Variants in TET3 observed in about 807,000 individuals in gnomAD.
The protein encoded by TET3 is methylcytosine dioxygenase TET3.
Under a neutral mutation model 141.4 loss-of-function variants are expected in TET3, and 19 were observed. The ratio of observed to expected loss-of-function variants is 0.13; its 90% confidence interval spans 0.09 to 0.20. The LOEUF (loss-of-function observed/expected upper bound fraction) is 0.20. Among genes scored for constraint, TET3 ranks in the 10% least tolerant of loss-of-function variants. The pLI is 1.00. For synonymous variants in TET3, 1,043 were observed against 980.9 expected (o/e 1.06, Z -1.18); for missense variants, 1,874 against 2,356.9 (o/e 0.80, Z 4.24).
intron 4 of TET3, among the ~76,000 whole-genome samples, chr2:74,064,250 A>G (rs890762006): frequency 2.0e-5 from 3 of 152,166 alleles, no homozygotes; most frequent in African/African-American, 7.2e-5. Flanking sequence ...AGCTTTTCAT[A>G]TTGTTATCTC....
chr2:74,003,349 T>A (rs1684966529), intron 3 of TET3, among the ~76,000 whole-genome samples, 183 bp downstream of exon 3: 1 of 149,818 alleles, frequency 6.7e-6, no homozygotes, highest in South Asian at 2.1e-4. Context: ...CAGGCCTGTG[T>A]GGGTTTTGTT....
At chr2:74,134,940 A>T in the TET3 span, 1 of 337,318 alleles carries the variant, frequency 3.0e-6, no homozygotes, top group Non-Finnish European at 6.0e-6. Flanking sequence ...GGGCAGGTCC[A>T]TCTGATTGGC....
At position 74,102,125 on chromosome 2, in the gene TET3, G is replaced by C; in HGVS notation, c.5337G>C (p.Val1779=). 1.3e-6 allele frequency: 2 copies of C among 1,487,408 alleles called. No individual in the cohort carries two copies. Among genetic ancestry groups the C allele is most frequent in the Non-Finnish European group, 1.8e-6 (2 of 1,119,168 alleles). The allele number at this position is 1,487,408 out of a possible 1,614,324, so 92.1% of individuals were successfully genotyped here. Reference sequence around the variant, plus strand: ...TGCCCACAGACTCGGCGGTCACCGTGTCCTCCTATGCCTACACGAAGGTCA... The same window carrying C: ...TGCCCACAGACTCGGCGGTCACCGTCTCCTCCTATGCCTACACGAAGGTCA... ...LAVPTDSAVT[V]SSYAYTKVTG... Residue 1779 remains valine (V), a synonymous_variant, in exon 12 of 12, where the codon GTG becomes GTC. Coordinates refer to ENST00000409262, the MANE Select transcript of TET3 (RefSeq NM_001287491.2).
chr2:73,990,214 T>A (rs1289790697), intron 2 of TET3, among the ~76,000 whole-genome samples: 6 of 144,546 alleles, frequency 4.2e-5, no homozygotes, highest in Admixed American at 6.9e-5. Context: ...ACCCCATTGC[T>A]AAAAAAAAAA....
chr2:74,134,568 G>A, the TET3 span: 1 of 395,050 alleles, frequency 2.5e-6, no homozygotes, highest in Admixed American at 2.8e-5. Flanking sequence ...TTCCATGAAA[G>A]GCAAAGGAGT....
rs1366806351 is a variant in TET3 at position 74,099,268 on chromosome 2, T to TG, written c.3268-4dup. 3 of 1,574,576 alleles carry TG rather than the reference T, an allele frequency of 1.9e-6. No individual in the cohort carries two copies. The African/African-American group carries it at 4.1e-5, about 21-fold the overall frequency. On this transcript the variant is annotated splice_region_variant and splice_polypyrimidine_tract_variant and intron_variant, in intron 10 of 11. Transcript: ENST00000409262. ...CCCATGTCCTCTCTCCCCCACTGCT[T>TG]GGGGCAGGTCTGCACCCTGACCAAG...
chr2:73,984,930 T>TTGCTGC lies in TET3; in HGVS notation c.-642_-637dup, dbSNP rs981906309. Among the ~76,000 whole-genome samples, 5 of 145,522 alleles carry TTGCTGC rather than the reference T, an allele frequency of 3.4e-5. No individual in the cohort carries two copies. The highest frequency in any genetic ancestry group is 6.1e-5 in the Non-Finnish European group (4 of 65,480). ...GCGGGGAGTCCCGCGGACGCCTTCA[T>TTGCTGC]TGCTGCTGCTGCTGCCGCCGCGGCC... On this transcript the variant is annotated 5_prime_UTR_variant, in exon 1 of 12. Coordinates refer to ENST00000409262, the MANE Select transcript of TET3 (RefSeq NM_001287491.2). This position sits in a 1 kb window ranked among gnomAD's most constrained non-coding sequence, Gnocchi z 5.6.
rs778156069 is a variant in TET3, at chr2:74,101,102, C to T, written c.4314C>T (p.Tyr1438=). 2.5e-6 allele frequency: 4 copies of T among 1,613,240 alleles called. No individual in the cohort carries two copies. Among genetic ancestry groups the T allele is most frequent in the Non-Finnish European group, 3.4e-6 (4 of 1,179,546 alleles). Residue 1438 remains tyrosine, a synonymous_variant, in exon 12 of 12, where the codon TAC becomes TAT. Coordinates refer to ENST00000409262, the MANE Select transcript of TET3 (RefSeq NM_001287491.2). The surrounding 1 kb of genome is among the most constrained non-coding windows in gnomAD (Gnocchi z 8.5). ...GACCCAGTCACCTTTGGGGACAGTACTCAGGAGGCCCAAGCATGTCCCCCA... is the reference window on the plus strand; with the variant it reads ...GACCCAGTCACCTTTGGGGACAGTATTCAGGAGGCCCAAGCATGTCCCCCA... ...NGGPSHLWGQ[Y]SGGPSMSPKR...
Position 74,011,353 on chromosome 2 carries a change from A to G in TET3, c.360+8187A>G, listed in dbSNP as rs140428843. ...GTGTAATCAGCACCTGGATCAAGAAATAAGTACCTTCACCCCGTTCCCATT... is the reference window on the plus strand; with the variant it reads ...GTGTAATCAGCACCTGGATCAAGAAGTAAGTACCTTCACCCCGTTCCCATT... On this transcript the variant is annotated intron_variant, in intron 3 of 11. Transcript: ENST00000409262. 2.9e-3 allele frequency among the ~76,000 whole-genome samples: 441 copies of G among 152,384 alleles called. 1 individual carries two copies. Among genetic ancestry groups the G allele is most frequent in the African/African-American group, 0.01 (426 of 41,596 alleles).
At chr2:74,113,310 C>T in the TET3 span, among the ~76,000 whole-genome samples, 8 of 152,150 alleles carry the variant, frequency 5.3e-5, no homozygotes, top group South Asian at 2.1e-4. Context: ...CACTTGAACC[C>T]GGGACGTGGA....
intron 3 of TET3, among the ~76,000 whole-genome samples, chr2:74,007,335 A>C (rs907006385): frequency 6.6e-6 from 1 of 152,236 alleles, no homozygotes; most frequent in Admixed American, 6.5e-5. Flanking sequence ...TTGACTCAAC[A>C]TGCCAAGTTT....
intron 2 of TET3, among the ~76,000 whole-genome samples, chr2:73,995,403 A>T (rs1684543260): frequency 6.6e-6 from 1 of 152,140 alleles, no homozygotes; most frequent in African/African-American, 2.4e-5. Context: ...TGTTTTGAAA[A>T]TTTCAGCCAA....
intron 2 of TET3, among the ~76,000 whole-genome samples, chr2:73,992,747 A>G (rs185351154): frequency 4.4e-4 from 67 of 152,348 alleles, no homozygotes; most frequent in African/African-American, 1.5e-3. Flanking sequence ...TAAAAGTCCA[A>G]TTTCTCAAAG....
chr2:74,024,451 C>T (rs777716913), intron 3 of TET3, among the ~76,000 whole-genome samples: 1 of 152,080 alleles, frequency 6.6e-6, no homozygotes, highest in African/African-American at 2.4e-5. Context: ...CTTGCCTCTT[C>T]AGGCTGTTGC....
rs1269127720 is a variant in TET3, at chr2:74,105,806, C to T, written c.*3630C>T. ...GATAACCTAATTTCATTGAGAGAAACCCAGCCAGACTTGCTTCTAGAGGTT... is the reference window on the plus strand; with the variant it reads ...GATAACCTAATTTCATTGAGAGAAATCCAGCCAGACTTGCTTCTAGAGGTT... On this transcript the variant is annotated 3_prime_UTR_variant, in exon 12 of 12. Transcript: ENST00000409262. The T allele has an allele frequency of 6.3e-6, 1 of 159,856 alleles. No homozygotes were observed. The allele number at this position is 159,856 out of a possible 1,614,324, so 9.9% of individuals were successfully genotyped here.
chr2:74,113,149 G>A (rs1023324184), downstream of TET3, among the ~76,000 whole-genome samples: 9 of 151,904 alleles, frequency 5.9e-5, no homozygotes, highest in South Asian at 1.2e-3. Flanking sequence ...CCAGCACTTT[G>A]GGAGGCCGAG....
intron 4 of TET3, among the ~76,000 whole-genome samples, chr2:74,062,213 G>A (rs1033449963): frequency 6.6e-6 from 1 of 152,238 alleles, no homozygotes; most frequent in African/African-American, 2.4e-5. Flanking sequence ...GCGGTTAGGA[G>A]CTGGAGACCA....
At chr2:74,086,808 A>G (rs2104052767) in intron 6 of TET3, among the ~76,000 whole-genome samples, 1 of 151,908 alleles carries the variant, frequency 6.6e-6, no homozygotes, top group African/African-American at 2.4e-5. Context: ...AAAAAAAAAA[A>G]AAAAAGTTTG....
At chr2:74,007,002 G>A (rs1206945313) in intron 3 of TET3, among the ~76,000 whole-genome samples, 1 of 152,054 alleles carries the variant, frequency 6.6e-6, no homozygotes, top group East Asian at 1.9e-4. Context: ...TCTTCCCTTT[G>A]TCTTTCAACA....
Sources: gnomAD v4.1 joint callset for allele counts (sites outside exome capture counted in the v4.1 genomes callset) on GRCh38, gnomAD v4.1.1 for gene constraint, Gnocchi (gnomAD v3.1) non-coding constraint, MANE v1.5 for transcripts, NCBI Gene and HGNC (gene_info 2026-07-23, HGNC 2026-07-21) for gene names.